Variants in CNTNAP5 observed in about 807,000 individuals in gnomAD.
The protein encoded by CNTNAP5 is contactin associated protein family member 5, also known as contactin-associated protein-like 5.
A neutral mutation model predicts 150.2 loss-of-function variants in CNTNAP5; 72 were observed. The ratio of observed to expected loss-of-function variants is 0.48; its 90% CI spans 0.40 to 0.58. The LOEUF (loss-of-function observed/expected upper bound fraction) is 0.58. CNTNAP5 is among the 20% of genes least tolerant of loss of function. CNTNAP5 has a pLI of 0.00. For synonymous variants in CNTNAP5, 672 were observed against 619.8 expected, an observed-to-expected ratio of 1.08 and a Z score of -1.25; for missense variants, 1,636 against 1,626.2, an observed-to-expected ratio of 1.01 and a Z score of -0.10.
intron 13 of CNTNAP5, among the ~76,000 whole-genome samples, chr2:124,736,638 G>T (rs895929617): frequency 4.6e-5 from 7 of 152,154 alleles, no homozygotes; most frequent in Admixed American, 1.3e-4. Context: ...TCTTTTTGGA[G>T]ATGTGACTAA....
chr2:124,552,457 G>A (rs1392317200), intron 10 of CNTNAP5, among the ~76,000 whole-genome samples: 3 of 152,298 alleles, frequency 2.0e-5, no homozygotes, highest in Admixed American at 1.3e-4. Flanking sequence ...CCCACGCTCA[G>A]ATATCTGAAC....
At chr2:124,376,912 A>G (rs1364188604) in intron 3 of CNTNAP5, among the ~76,000 whole-genome samples, 8 of 152,204 alleles carry the variant, frequency 5.3e-5, no homozygotes, top group African/African-American at 1.7e-4. Flanking sequence ...TATTTTCTTC[A>G]ACTCATTTCC....
chr2:124,432,634 G>A (rs1048802768), intron 4 of CNTNAP5, among the ~76,000 whole-genome samples: 7 of 152,166 alleles, frequency 4.6e-5, no homozygotes, highest in Non-Finnish European at 1.0e-4. Context: ...CTGGTACAGT[G>A]GCAGAGTAGA....
chr2:124,459,850 G>A (rs1410680385), intron 6 of CNTNAP5, among the ~76,000 whole-genome samples: 2 of 151,136 alleles, frequency 1.3e-5, no homozygotes, highest in Non-Finnish European at 2.9e-5. Flanking sequence ...TTGTTTAGAT[G>A]TCATCCTTCT....
At chr2:124,771,699 G>A (rs138863487) in intron 16 of CNTNAP5, among the ~76,000 whole-genome samples, 178 of 145,238 alleles carry the variant, frequency 1.2e-3, no homozygotes, top group African/African-American at 3.4e-3. Context: ...CATCACTGGC[G>A]CCATCACCAT....
intron 10 of CNTNAP5, among the ~76,000 whole-genome samples, chr2:124,546,780 G>C (rs1219758182): frequency 6.6e-6 from 1 of 152,020 alleles, no homozygotes; most frequent in Non-Finnish European, 1.5e-5. Flanking sequence ...CTTTTGATTT[G>C]TACAAACAAA....
At chr2:124,148,084 A>G (rs925675640) in intron 1 of CNTNAP5, among the ~76,000 whole-genome samples, 3 of 152,170 alleles carry the variant, frequency 2.0e-5, no homozygotes, top group African/African-American at 7.2e-5. Flanking sequence ...TCACAGGATA[A>G]CTGTCTCAGG....
intron 3 of CNTNAP5, among the ~76,000 whole-genome samples, chr2:124,386,951 C>A (rs1444615664): frequency 6.6e-6 from 1 of 152,116 alleles, no homozygotes; most frequent in Non-Finnish European, 1.5e-5. Flanking sequence ...TAATCAGAAG[C>A]CAGAGGGCTA....
chr2:124,613,825 A>C (rs1246557545), intron 12 of CNTNAP5, among the ~76,000 whole-genome samples: 2 of 152,214 alleles, frequency 1.3e-5, no homozygotes, highest in African/African-American at 4.8e-5. Flanking sequence ...TCTCTGTGAA[A>C]GGAAATTAAC....
intron 18 of CNTNAP5, among the ~76,000 whole-genome samples, chr2:124,792,033 C>G (rs565310534): frequency 6.6e-6 from 1 of 152,106 alleles, no homozygotes; most frequent in Non-Finnish European, 1.5e-5. Context: ...AATGGGAAGC[C>G]AGTGGCTACA....
At chr2:124,316,661 C>T (rs865947144) in intron 3 of CNTNAP5, among the ~76,000 whole-genome samples, 4 of 151,346 alleles carry the variant, frequency 2.6e-5, no homozygotes, top group Non-Finnish European at 4.4e-5. Flanking sequence ...AAAAATTAGC[C>T]GGGAGTGGTG....
intron 13 of CNTNAP5, among the ~76,000 whole-genome samples, chr2:124,732,166 G>A (rs1001023567): frequency 2.0e-5 from 3 of 152,024 alleles, no homozygotes; most frequent in African/African-American, 7.2e-5. Flanking sequence ...GTTTTATAAT[G>A]AGTGAGCTCA....
At chr2:124,318,856 T>A (rs536798029) in intron 3 of CNTNAP5, among the ~76,000 whole-genome samples, 15 of 152,262 alleles carry the variant, frequency 9.9e-5, no homozygotes, top group African/African-American at 3.6e-4. Context: ...CCAGTCCCCC[T>A]GCCCACACCA....
intron 11 of CNTNAP5, among the ~76,000 whole-genome samples, chr2:124,608,487 G>A (rs1677302806): frequency 6.6e-6 from 1 of 152,140 alleles, no homozygotes; most frequent in Non-Finnish European, 1.5e-5. Context: ...TGAGCTTTCT[G>A]GGGTAGAGAT....
At chr2:124,077,724 G>A (rs1479641063) in intron 1 of CNTNAP5, among the ~76,000 whole-genome samples, 1 of 152,140 alleles carries the variant, frequency 6.6e-6, no homozygotes, top group Non-Finnish European at 1.5e-5. Context: ...TTAAAATATG[G>A]ATAAATAAGA....
chr2:124,131,689 T>A (rs1683852574), intron 1 of CNTNAP5, among the ~76,000 whole-genome samples: 2 of 152,172 alleles, frequency 1.3e-5, no homozygotes, highest in Admixed American at 1.3e-4. Flanking sequence ...ATTTCTCCAT[T>A]GAGGAGAGTG....
rs970892013 is a variant in CNTNAP5 at position 124,609,601 on chromosome 2, G to A, written c.1757-200G>A. Among the ~76,000 whole-genome samples, 8 of 152,072 alleles carry A rather than the reference G, an allele frequency of 5.3e-5. No individual in the cohort carries two copies. The South Asian group carries it at 6.2e-4, about 12-fold the overall frequency. ...ATAATAATAAAAAGAGAGAGAGAGA[G>A]AGATGAATGGAAAATCTGAATGTCA... On this transcript the variant is annotated intron_variant, in intron 11 of 23. Coordinates refer to ENST00000682447, the MANE Select transcript of CNTNAP5 (RefSeq NM_001367498.1).
At chr2:124,361,597 G>C (rs902694232) in intron 3 of CNTNAP5, among the ~76,000 whole-genome samples, 1 of 141,304 alleles carries the variant, frequency 7.1e-6, no homozygotes, top group Non-Finnish European at 1.5e-5. Flanking sequence ...CCCTGCTGGG[G>C]GATGCCTCCC....
intron 1 of CNTNAP5, among the ~76,000 whole-genome samples, chr2:124,121,403 C>T (rs1469085312): frequency 6.6e-6 from 1 of 152,142 alleles, no homozygotes; most frequent in Non-Finnish European, 1.5e-5. Context: ...TGCTTGTGTT[C>T]CTGAAATATT....
Sources: gnomAD v4.1 joint callset for allele counts (sites outside exome capture counted in the v4.1 genomes callset) on GRCh38, gnomAD v4.1.1 for gene constraint, MANE v1.5 for transcripts, NCBI Gene and HGNC (gene_info 2026-07-23, HGNC 2026-07-21) for gene names.